Variants in SV2C observed in about 807,000 individuals in gnomAD.
The protein encoded by SV2C is synaptic vesicle glycoprotein 2C, also known as solute carrier family 22 member B3.
SV2C carries 49 observed loss-of-function variants against 79.7 expected under a neutral mutation model. The observed-to-expected ratio is 0.61, with a 90% CI of 0.49 to 0.78. The LOEUF is 0.78. SV2C is among the 30% of genes least tolerant of loss of function. The pLI, the probability that SV2C is intolerant of heterozygous loss-of-function variation, is 0.00. For synonymous variants in SV2C, 334 were observed against 333.2 expected (o/e 1.00, Z -0.03); for missense variants, 833 against 912.9 (o/e 0.91, Z 1.13).
the SV2C span, among the ~76,000 whole-genome samples, chr5:75,979,346 A>G: frequency 6.6e-6 from 1 of 151,996 alleles, no homozygotes. Context: ...TAACAGAAAT[A>G]TTCATGACCT....
chr5:75,941,741 CCTT>C, the SV2C span, among the ~76,000 whole-genome samples: 1 of 152,178 alleles, frequency 6.6e-6, no homozygotes, highest in East Asian at 1.9e-4. Context: ...ATCTCTCTGA[CCTT>C]CTCCTGCCTT....
At chr5:75,929,426 G>A in the SV2C span, among the ~76,000 whole-genome samples, 2 of 151,838 alleles carry the variant, frequency 1.3e-5, no homozygotes, top group African/African-American at 4.8e-5. Context: ...CTGCTTGGGG[G>A]AACTTATCTG....
intron 4 of SV2C, among the ~76,000 whole-genome samples, chr5:76,227,948 T>C (rs529067461): frequency 6.6e-6 from 1 of 152,306 alleles, no homozygotes; most frequent in Admixed American, 6.5e-5. Flanking sequence ...GCCAGCAGAA[T>C]CGCAAATAGT....
At chr5:76,297,742 G>A (rs932405613) in intron 9 of SV2C, among the ~76,000 whole-genome samples, 10 of 152,108 alleles carry the variant, frequency 6.6e-5, no homozygotes, top group East Asian at 1.9e-4. Flanking sequence ...ACCAACACAC[G>A]TAATTGGGTA....
intron 1 of SV2C, among the ~76,000 whole-genome samples, chr5:76,113,694 C>T (rs1561220880): frequency 1.3e-5 from 2 of 152,124 alleles, no homozygotes; most frequent in Middle Eastern, 3.2e-3. Flanking sequence ...ACAATTTACC[C>T]ATTTTCTTGG....
the SV2C span, among the ~76,000 whole-genome samples, chr5:76,073,586 A>G: frequency 6.9e-6 from 1 of 145,562 alleles, no homozygotes; most frequent in Admixed American, 6.9e-5. Context: ...GAATGAAATA[A>G]TGTCATTCAC....
At chr5:75,939,021 ACTAGG>A in the SV2C span, among the ~76,000 whole-genome samples, 6 of 152,136 alleles carry the variant, frequency 3.9e-5, no homozygotes, top group Non-Finnish European at 8.8e-5. Flanking sequence ...ATCATTTGTC[ACTAGG>A]CTATCATTTA....
At chr5:75,961,193 A>G in the SV2C span, among the ~76,000 whole-genome samples, 1 of 152,066 alleles carries the variant, frequency 6.6e-6, no homozygotes, top group African/African-American at 2.4e-5. Context: ...GTATGACTGG[A>G]AGACAGCAGA....
chr5:76,330,072 A>T lies in SV2C; in HGVS notation c.*4525A>T, dbSNP rs1324148650. ...GTTATCTGTAATGTAGACAAAAAAA[A>T]AAAAAAACCTGTTAGTATATTCTGG... On this transcript the variant is annotated 3_prime_UTR_variant, in exon 13 of 13. Transcript: ENST00000502798. 6.6e-6 allele frequency: 1 copy of T among 152,156 alleles called. No homozygotes were observed. The highest frequency in any genetic ancestry group is 1.9e-4 in the East Asian group (1 of 5,200). 9.4% of individuals were successfully genotyped at this position (152,156 alleles called of 1,614,324 possible). A position where few individuals can be genotyped will look rare whatever the true frequency, so the allele number is the denominator to read the frequency against.
At chr5:75,911,932 G>A in the SV2C span, 14 of 447,006 alleles carry the variant, frequency 3.1e-5, no homozygotes, top group South Asian at 2.3e-4. Flanking sequence ...TCAACCAGAG[G>A]GTATAGGTCA....
Position 76,300,825 on chromosome 5 carries a change from G to T in SV2C, c.1733G>T (p.Ser578Ile), listed in dbSNP as rs748973204. The change falls in exon 11 of 13, where the codon AGT becomes ATT. Residue 578 changes from serine to isoleucine, a missense_variant. By Grantham distance (142) the Ser-to-Ile change is moderately radical. Coordinates refer to ENST00000502798, the MANE Select transcript of SV2C (RefSeq NM_014979.4). ...GCQITFDDDYSAYWIYFVNFL... is the reference protein window; with the variant it reads ...GCQITFDDDYIAYWIYFVNFL... ...CAGATTACCTTTGATGATGACTATA[G>T]TGCCTACTGGATTTATTTTGTCAAC... 8.7e-6 allele frequency: 14 copies of T among 1,614,054 alleles called. No homozygotes were observed. Among genetic ancestry groups the T allele is most frequent in the South Asian group, 2.2e-5 (2 of 91,094 alleles).
the SV2C span, among the ~76,000 whole-genome samples, chr5:75,999,105 G>A: frequency 1.8e-3 from 277 of 152,046 alleles, 2 homozygotes; most frequent in African/African-American, 6.2e-3. Context: ...TTTTAAAAGC[G>A]TCAGATCTCA....
At chr5:76,292,722 A>G (rs1338652392) in intron 8 of SV2C, among the ~76,000 whole-genome samples, 3 of 152,220 alleles carry the variant, frequency 2.0e-5, no homozygotes, top group East Asian at 3.8e-4. Context: ...TAGCAGCTCA[A>G]TAAATAGTTG....
the SV2C span, among the ~76,000 whole-genome samples, chr5:76,034,941 T>A: frequency 1.5e-4 from 23 of 152,274 alleles, no homozygotes; most frequent in South Asian, 1.5e-3. Context: ...GTTATTGGTC[T>A]ATTCAGAGAT....
intron 1 of SV2C, among the ~76,000 whole-genome samples, chr5:76,096,670 G>T (rs1747574090): frequency 6.6e-6 from 1 of 152,132 alleles, no homozygotes; most frequent in South Asian, 2.1e-4. Context: ...GCCATGGGGT[G>T]CCCAGATATT....
the SV2C span, among the ~76,000 whole-genome samples, chr5:75,977,679 G>T: frequency 2.0e-5 from 3 of 152,136 alleles, no homozygotes; most frequent in Non-Finnish European, 2.9e-5. Flanking sequence ...CCCATCAAAG[G>T]CAAGCTTCCA....
At chr5:76,295,395 C>T (rs979896634) in intron 8 of SV2C, among the ~76,000 whole-genome samples, 2 of 152,172 alleles carry the variant, frequency 1.3e-5, no homozygotes, top group African/African-American at 4.8e-5. Context: ...ATAACTTAAT[C>T]ACCTCCTAAA....
At chr5:75,990,322 T>C in the SV2C span, among the ~76,000 whole-genome samples, 42,365 of 151,850 alleles carry the variant, frequency 0.28, 7,040 homozygotes, top group Middle Eastern at 0.41. Flanking sequence ...CGTTTTTAAA[T>C]ATGGTGTAAG....
At chr5:76,153,300 T>G (rs4299714) in intron 2 of SV2C, among the ~76,000 whole-genome samples, 2 of 151,930 alleles carry the variant, frequency 1.3e-5, no homozygotes, top group Non-Finnish European at 1.5e-5. Flanking sequence ...TTGACCACCC[T>G]ACCCTTCCTG....
Sources: allele counts gnomAD v4.1 joint callset (sites outside exome capture counted in the v4.1 genomes callset), GRCh38; gene constraint gnomAD v4.1.1; transcripts MANE v1.5; gene names NCBI Gene and HGNC (gene_info 2026-07-23, HGNC 2026-07-21).